Variants in MDGA2 observed in about 807,000 individuals in gnomAD.
The protein encoded by MDGA2 is MAM domain containing glycosylphosphatidylinositol anchor 2.
Under a neutral mutation model 117.8 loss-of-function variants are expected in MDGA2, and 40 were observed. That is an observed-to-expected ratio of 0.34 (90% CI 0.26 to 0.44). The LOEUF (loss-of-function observed/expected upper bound fraction) is 0.44, where lower values mean the gene tolerates loss of function less well. MDGA2 is among the 20% of genes least tolerant of loss of function. The pLI, the probability that MDGA2 is intolerant of heterozygous loss-of-function variation, is 1.00. For synonymous variants in MDGA2, 452 were observed against 439.0 expected, an observed-to-expected ratio of 1.03 and a Z score of -0.37; for missense variants, 1,123 against 1,250.6, an observed-to-expected ratio of 0.90 and a Z score of 1.54.
chr14:46,963,299 A>C (rs184934902), intron 8 of MDGA2, among the ~76,000 whole-genome samples: 1 of 152,368 alleles, frequency 6.6e-6, no homozygotes, highest in Non-Finnish European at 1.5e-5. Context: ...AATTCCCTGC[A>C]GTATACCTGT....
At chr14:46,921,440 C>G (rs1884125120) in intron 9 of MDGA2, among the ~76,000 whole-genome samples, 1 of 145,050 alleles carries the variant, frequency 6.9e-6, no homozygotes, top group Non-Finnish European at 1.5e-5. Flanking sequence ...AATGTCTCTA[C>G]CAGAAAAAGA....
chr14:47,442,142 T>C (rs1357130274), intron 1 of MDGA2, among the ~76,000 whole-genome samples: 1 of 152,252 alleles, frequency 6.6e-6, no homozygotes, highest in South Asian at 2.1e-4. Context: ...TAATTGATAA[T>C]AGAGGCAATG....
intron 10 of MDGA2, among the ~76,000 whole-genome samples, chr14:46,919,736 T>C (rs1884051165): frequency 6.6e-6 from 1 of 152,116 alleles, no homozygotes; most frequent in South Asian, 2.1e-4. Flanking sequence ...TCTTATCTAG[T>C]GATGAAGGAT....
intron 8 of MDGA2, among the ~76,000 whole-genome samples, chr14:46,988,689 T>C (rs1886959844): frequency 2.0e-5 from 3 of 152,044 alleles, no homozygotes; most frequent in African/African-American, 7.2e-5. Flanking sequence ...GAGGGATGGA[T>C]GGAGTAGAGC....
At chr14:47,339,653 T>C (rs1298323371) in intron 1 of MDGA2, among the ~76,000 whole-genome samples, 5 of 152,148 alleles carry the variant, frequency 3.3e-5, no homozygotes, top group African/African-American at 1.2e-4. Flanking sequence ...CCCCTTCCTC[T>C]TTCACCATGA....
At chr14:47,087,615 C>A (rs551698977) in intron 6 of MDGA2, among the ~76,000 whole-genome samples, 30 of 151,862 alleles carry the variant, frequency 2.0e-4, no homozygotes, top group Admixed American at 1.8e-3. Flanking sequence ...TAAGGCAAAA[C>A]CAGAACCAGA....
intron 1 of MDGA2, among the ~76,000 whole-genome samples, chr14:47,555,881 G>A (rs1210405299): frequency 6.6e-6 from 1 of 152,052 alleles, no homozygotes; most frequent in Non-Finnish European, 1.5e-5. Context: ...TAAACCCTAA[G>A]AAAGCTCCTC....
chr14:47,301,274 C>T (rs1420647588), intron 2 of MDGA2, 137 bp downstream of exon 2: 3 of 851,234 alleles, frequency 3.5e-6, no homozygotes, highest in Non-Finnish European at 5.2e-6. Context: ...TTGAGTTACA[C>T]ACACACACAC....
intron 8 of MDGA2, among the ~76,000 whole-genome samples, chr14:46,987,736 T>C (rs768311933): frequency 9.1e-4 from 138 of 152,128 alleles, no homozygotes; most frequent in Non-Finnish European, 1.7e-3. Flanking sequence ...CTTACAACTA[T>C]GTGAAAGGCA....
chr14:47,172,425 C>A (rs181037338), intron 3 of MDGA2, among the ~76,000 whole-genome samples: 2 of 151,740 alleles, frequency 1.3e-5, no homozygotes, highest in East Asian at 2.0e-4. Context: ...ACACCTCACA[C>A]GGCCGGGTAC....
At chr14:47,109,408 A>G (rs1594631479) in intron 5 of MDGA2, among the ~76,000 whole-genome samples, 1 of 152,238 alleles carries the variant, frequency 6.6e-6, no homozygotes, top group East Asian at 1.9e-4. Context: ...TTTGTGTGAG[A>G]ATAGCTCTTT....
At chr14:47,340,011 T>C (rs983610186) in intron 1 of MDGA2, among the ~76,000 whole-genome samples, 1 of 152,154 alleles carries the variant, frequency 6.6e-6, no homozygotes, top group African/African-American at 2.4e-5. Context: ...TTATCAAATA[T>C]GTATGCTCTA....
chr14:47,482,640 T>C (rs1251937153), intron 1 of MDGA2, among the ~76,000 whole-genome samples: 1 of 152,074 alleles, frequency 6.6e-6, no homozygotes, highest in African/African-American at 2.4e-5. Context: ...GTCAAAGACA[T>C]GAAACCTCTC....
chr14:47,492,881 G>C (rs1894201162), intron 1 of MDGA2, among the ~76,000 whole-genome samples: 2 of 152,072 alleles, frequency 1.3e-5, no homozygotes, highest in Non-Finnish European at 2.9e-5. Context: ...AATTCAAGGT[G>C]AGACAGTTAT....
At chr14:47,616,064 G>C (rs1896944002) in intron 1 of MDGA2, among the ~76,000 whole-genome samples, 1 of 152,192 alleles carries the variant, frequency 6.6e-6, no homozygotes, top group South Asian at 2.1e-4. Context: ...GAGGAAGAGA[G>C]ATCAGGACCA....
rs201460656 is a variant in MDGA2 at position 47,425,908 on chromosome 14, C to CT, written c.281-124359dup. Among the ~76,000 whole-genome samples, 48 of 82,390 alleles carry CT rather than the reference C, an allele frequency of 5.8e-4. No individual in the cohort carries two copies. The East Asian group carries it at 7.5e-3, about 13-fold the overall frequency. The allele number at this position is 82,390 out of a possible 152,430, so 54.1% of individuals were successfully genotyped here. A position where few individuals can be genotyped will look rare whatever the true frequency, so the allele number is the denominator to read the frequency against. ...AATACTAAATTCACAAATGTATAGT[C>CT]TTTTTTTTTTTAAGATTTCATTGGA... On this transcript the variant is annotated intron_variant, in intron 1 of 16. Coordinates refer to ENST00000399232, the MANE Select transcript of MDGA2 (RefSeq NM_001113498.3).
At chr14:47,410,640 A>ATT (rs1892352998) in intron 1 of MDGA2, among the ~76,000 whole-genome samples, 13 of 152,228 alleles carry the variant, frequency 8.5e-5, no homozygotes, top group Non-Finnish European at 1.8e-4. Flanking sequence ...AGAGAGAGAA[A>ATT]ATACGCCATT....
At chr14:47,092,985 A>G (rs1158646220) in intron 6 of MDGA2, among the ~76,000 whole-genome samples, 5 of 152,198 alleles carry the variant, frequency 3.3e-5, no homozygotes, top group African/African-American at 1.2e-4. Flanking sequence ...GGGTCCATTA[A>G]CATGTCACCA....
At chr14:46,858,584 C>T (rs2138313181) in intron 14 of MDGA2, among the ~76,000 whole-genome samples, 1 of 151,844 alleles carries the variant, frequency 6.6e-6, no homozygotes, top group East Asian at 1.9e-4. Context: ...CCTGTTACCA[C>T]ACCCGGCTAA....
Sources: allele counts gnomAD v4.1 joint callset (sites outside exome capture counted in the v4.1 genomes callset), GRCh38; gene constraint gnomAD v4.1.1; transcripts MANE v1.5; gene names NCBI Gene and HGNC (gene_info 2026-07-23, HGNC 2026-07-21).